The following DCUN1D1 variants were observed in gnomAD, a reference collection of about 807,000 sequenced individuals.
DCUN1D1 encodes defective in cullin neddylation 1 domain containing 1, also known as DCN1-like protein 1.
In DCUN1D1, 3 loss-of-function variants were observed where a neutral mutation model predicts 39.0. The observed-to-expected ratio is 0.08, with a 90% confidence interval of 0.04 to 0.20. The LOEUF is 0.20. Ranked by LOEUF, DCUN1D1 falls within the 10% of genes least tolerant of loss-of-function variation. The pLI is 1.00. For synonymous variants in DCUN1D1, 82 were observed against 96.3 expected, an observed-to-expected ratio of 0.85 and a Z score of 0.87; for missense variants, 158 against 302.4, an observed-to-expected ratio of 0.52 and a Z score of 3.54.
chr3:182,958,864 A>G (rs1223689592), intron 4 of DCUN1D1, among the ~76,000 whole-genome samples: 1 of 152,188 alleles, frequency 6.6e-6, no homozygotes, highest in Non-Finnish European at 1.5e-5. Context: ...ACTAAGATTC[A>G]GTCTCAAAAC....
intron 1 of DCUN1D1, among the ~76,000 whole-genome samples, chr3:182,966,263 T>A (rs1276213565): frequency 1.3e-5 from 2 of 152,010 alleles, no homozygotes; most frequent in East Asian, 3.9e-4. Context: ...AGAGGGGGGA[T>A]CCTCCCTCCC....
chr3:182,980,987 CAGTATCAAAAAAAG>C (rs1228359199), upstream of DCUN1D1: 1 of 152,056 alleles, frequency 6.6e-6, no homozygotes, highest in African/African-American at 2.4e-5. Flanking sequence ...CCCTCCCCAT[CAGTATCAAAAAAAG>C]GGAGAAGATA....
At position 182,943,236 on chromosome 3, in the gene DCUN1D1, C is replaced by CAT. The variant is rs972968089; in HGVS notation, c.*1856_*1857dup. On this transcript the variant is annotated 3_prime_UTR_variant, in exon 7 of 7. Coordinates refer to ENST00000292782, the MANE Select transcript of DCUN1D1 (RefSeq NM_020640.4). ...CTTCAAGACAGGAAACAAAACAGTA[C>CAT]ATATATATAGATATATAGATATATA... 1 of 144,904 alleles carries CAT rather than the reference C, an allele frequency of 6.9e-6. No homozygotes were observed. Among genetic ancestry groups the CAT allele is most frequent in the Non-Finnish European group, 1.5e-5 (1 of 66,472 alleles). The allele number at this position is 144,904 out of a possible 1,614,324, so 9.0% of individuals were successfully genotyped here.
At chr3:182,982,461 T>G (rs1413715014), upstream of DCUN1D1, among the ~76,000 whole-genome samples, 3 of 152,118 alleles carry the variant, frequency 2.0e-5, no homozygotes, top group African/African-American at 7.2e-5. Context: ...ATCTAAAACT[T>G]TATCCCCAAA....
intron 1 of DCUN1D1, among the ~76,000 whole-genome samples, chr3:182,973,612 C>A (rs926021306): frequency 6.6e-6 from 1 of 151,952 alleles, no homozygotes; most frequent in African/African-American, 2.4e-5. Context: ...ATTGAGACCA[C>A]CCTGGCCAAC....
At chr3:182,975,698 C>CAAAAACA (rs1163514482) in intron 1 of DCUN1D1, among the ~76,000 whole-genome samples, 2 of 135,538 alleles carry the variant, frequency 1.5e-5, no homozygotes, top group Non-Finnish European at 3.2e-5. Context: ...AAAAAAAAAA[C>CAAAAACA]AAAAACAAAA....
Position 182,979,595 on chromosome 3 carries a change from C to CTT in DCUN1D1, c.3+890_3+891dup, listed in dbSNP as rs1553846257. On this transcript the variant is annotated intron_variant, in intron 1 of 6. Transcript: ENST00000292782. ...CAAGGGTCTGCAAGCCTGGAGAGGA[C>CTT]TTTTTCCCCCCCCCAAACAAAAAAG... Among the ~76,000 whole-genome samples the CTT allele has an allele frequency of 4.2e-4, 56 of 134,330 alleles. 1 individual carries two copies. The highest frequency in any genetic ancestry group is 9.0e-4 in the African/African-American group (35 of 39,034). The allele number at this position is 134,330 out of a possible 152,430, so 88.1% of individuals were successfully genotyped here.
rs939874514 is a variant in DCUN1D1, at chr3:182,939,113, C to T, written c.*5981G>A. The T allele has an allele frequency of 6.6e-6, 1 of 152,236 alleles. No homozygotes were observed. Among genetic ancestry groups the T allele is most frequent in the Admixed American group, 6.5e-5 (1 of 15,286 alleles). 9.4% of individuals were successfully genotyped at this position (152,236 alleles called of 1,614,324 possible). A position where few individuals can be genotyped will look rare whatever the true frequency, so the allele number is the denominator to read the frequency against. On this transcript the variant is annotated 3_prime_UTR_variant, in exon 7 of 7. Transcript: ENST00000292782. ...TCGCTGAGGCCACTTGAAACTCACTCAAACTGCACATCCAATCGATACACG... is the reference window on the plus strand; with the variant it reads ...TCGCTGAGGCCACTTGAAACTCACTTAAACTGCACATCCAATCGATACACG...
At chr3:182,948,430 C>T (rs1695967470) in intron 4 of DCUN1D1, among the ~76,000 whole-genome samples, 2 of 152,030 alleles carry the variant, frequency 1.3e-5, no homozygotes, top group Non-Finnish European at 1.5e-5. Flanking sequence ...CAGAGAACTA[C>T]ACTTATCACA....
chr3:182,964,188 C>T (rs1283618998), intron 2 of DCUN1D1, 139 bp from the exon 3 acceptor site: 2 of 617,382 alleles, frequency 3.2e-6, no homozygotes, highest in South Asian at 2.3e-5. Flanking sequence ...CTCTAACATA[C>T]ACTTTCCCAT....
intron 1 of DCUN1D1, among the ~76,000 whole-genome samples, chr3:182,971,577 AAAAAAAAAAAC>A (rs1373921389): frequency 1.4e-5 from 2 of 143,282 alleles, no homozygotes; most frequent in African/African-American, 2.7e-5. Context: ...ACCCTATCTT[AAAAAAAAAAAC>A]AAAAAAAAAA....
chr3:182,983,585 C>T (rs1399750127), upstream of DCUN1D1, among the ~76,000 whole-genome samples: 4 of 152,106 alleles, frequency 2.6e-5, no homozygotes, highest in African/African-American at 7.2e-5. Flanking sequence ...CGCATGCCTG[C>T]AATCCCAGCT....
At chr3:182,972,035 G>C (rs1019251138) in intron 1 of DCUN1D1, among the ~76,000 whole-genome samples, 6 of 149,952 alleles carry the variant, frequency 4.0e-5, no homozygotes, top group Non-Finnish European at 7.4e-5. Flanking sequence ...TTTGGGGATG[G>C]AGCTTCTATT....
Position 182,971,429 on chromosome 3 carries a change from C to A in DCUN1D1, c.4-5676G>T, listed in dbSNP as rs554125033. Among the ~76,000 whole-genome samples, 6 of 151,950 alleles carry A rather than the reference C, an allele frequency of 3.9e-5. No homozygotes were observed. The South Asian group carries it at 1.2e-3, about 32-fold the overall frequency. ...AAATTAGCAACAACAAAAAAGTAGC[C>A]GGGCATGGTGGTGCATTCCTGGAGT... On this transcript the variant is annotated intron_variant, in intron 1 of 6. Coordinates refer to ENST00000292782, the MANE Select transcript of DCUN1D1 (RefSeq NM_020640.4).
chr3:182,961,656 G>A (rs140436692), intron 3 of DCUN1D1, among the ~76,000 whole-genome samples: 58 of 152,226 alleles, frequency 3.8e-4, no homozygotes, highest in African/African-American at 1.3e-3. Flanking sequence ...CAGCTTCAGT[G>A]GATAAATAAG....
chr3:182,965,192 A>G (rs1440068752), intron 2 of DCUN1D1, among the ~76,000 whole-genome samples: 1 of 152,156 alleles, frequency 6.6e-6, no homozygotes, highest in Non-Finnish European at 1.5e-5. Context: ...ATGCAGTTGA[A>G]CTTTTTTAAA....
chr3:182,957,509 C>G (rs942061200), intron 4 of DCUN1D1, among the ~76,000 whole-genome samples: 3 of 152,002 alleles, frequency 2.0e-5, no homozygotes, highest in African/African-American at 7.2e-5. Context: ...CGCCTGTAGT[C>G]TGGCTACTCC....
chr3:182,983,451 C>T (rs1207572460), upstream of DCUN1D1, among the ~76,000 whole-genome samples: 2 of 152,232 alleles, frequency 1.3e-5, no homozygotes, highest in Admixed American at 1.3e-4. Flanking sequence ...CGCAGTGGCT[C>T]ACGCCTGTAA....
At chr3:182,961,768 T>G (rs1404961479) in intron 3 of DCUN1D1, among the ~76,000 whole-genome samples, 1 of 152,202 alleles carries the variant, frequency 6.6e-6, no homozygotes, top group African/African-American at 2.4e-5. Context: ...AAGTATGGTC[T>G]CTTGCTTATG....
Sources: gnomAD v4.1 joint callset for allele counts (sites outside exome capture counted in the v4.1 genomes callset) on GRCh38, gnomAD v4.1.1 for gene constraint, MANE v1.5 for transcripts, NCBI Gene and HGNC (gene_info 2026-07-23, HGNC 2026-07-21) for gene names.